Variants in BSDC1 observed in about 807,000 individuals in gnomAD.
The protein encoded by BSDC1 is BSD domain-containing protein 1.
BSDC1 carries 29 observed loss-of-function variants against 56.0 expected under a neutral mutation model. That is an observed-to-expected ratio of 0.52 (90% CI 0.39 to 0.71). The LOEUF is 0.71. BSDC1 is among the 30% of genes least tolerant of loss of function. The pLI is 0.00. For synonymous variants in BSDC1, 210 were observed against 215.3 expected (o/e 0.98, Z 0.21); for missense variants, 477 against 548.5 (o/e 0.87, Z 1.30).
chr1:32,390,789 T>C lies in BSDC1; in HGVS notation c.72+3291A>G, dbSNP rs1009906230. ...AGTTGGGCGTGATGGTACACGCCTA[T>C]AGTCCCAGCTACTTGGGGGCCTGAG... On this transcript the variant is annotated intron_variant, in intron 2 of 10. Coordinates refer to ENST00000455895, the MANE Select transcript of BSDC1 (RefSeq NM_018045.8). 2.0e-5 allele frequency among the ~76,000 whole-genome samples: 3 copies of C among 152,084 alleles called. No homozygotes were observed. In the South Asian group the frequency reaches 6.2e-4, roughly 32 times the overall value.
intron 9 of BSDC1, among the ~76,000 whole-genome samples, chr1:32,368,843 C>T (rs1017721696): frequency 2.0e-5 from 3 of 152,054 alleles, no homozygotes; most frequent in Non-Finnish European, 2.9e-5. Context: ...GGACTACAGG[C>T]GCACGCCCCA....
intron 2 of BSDC1, among the ~76,000 whole-genome samples, chr1:32,392,405 C>G (rs977151803): frequency 6.6e-6 from 1 of 152,162 alleles, no homozygotes; most frequent in East Asian, 1.9e-4. Flanking sequence ...AGGGAAATTA[C>G]GTCTTTTCTT....
At chr1:32,390,160 A>G (rs1013644495) in intron 2 of BSDC1, among the ~76,000 whole-genome samples, 2 of 152,166 alleles carry the variant, frequency 1.3e-5, no homozygotes, top group Admixed American at 6.6e-5. Context: ...GGGAGCCACC[A>G]AAGGTTTGAA....
At chr1:32,376,978 C>T (rs868556051) in intron 8 of BSDC1, among the ~76,000 whole-genome samples, 6 of 152,062 alleles carry the variant, frequency 3.9e-5, no homozygotes, top group African/African-American at 1.4e-4. Context: ...ACTAAAAATA[C>T]AAAAAATATT....
rs989025007 is a variant in BSDC1 at position 32,367,506 on chromosome 1, C to T, written c.1261-852G>A. 5 of 985,310 alleles carry T rather than the reference C, an allele frequency of 5.1e-6. No individual in the cohort carries two copies. In the African/African-American group the frequency reaches 5.2e-5, roughly 10 times the overall value. 61.0% of individuals were successfully genotyped at this position (985,310 alleles called of 1,614,324 possible). On this transcript the variant is annotated intron_variant, in intron 10 of 10. Transcript: ENST00000455895. ...CCCTTCACATGTCTCTCTAATCTGT[C>T]CACCTCTTTCTAACAGGCTCATAAG...
intron 3 of BSDC1, chr1:32,386,466 TTCTC>T (rs112034573): frequency 0.034 from 9,213 of 272,228 alleles, 807 homozygotes; most frequent in African/African-American, 0.19. Flanking sequence ...CTCTAGGTCT[TTCTC>T]TCTCTCTCTT....
rs1275673540 is a variant in BSDC1, at chr1:32,366,600, G to A, written c.*22C>T. The A allele has an allele frequency of 1.3e-6, 2 of 1,514,486 alleles. No individual in the cohort carries two copies. Among genetic ancestry groups the A allele is most frequent in the South Asian group, 1.3e-5 (1 of 79,816 alleles). 93.8% of individuals were successfully genotyped at this position (1,514,486 alleles called of 1,614,324 possible). On this transcript the variant is annotated 3_prime_UTR_variant, in exon 11 of 11. Coordinates refer to ENST00000455895, the MANE Select transcript of BSDC1 (RefSeq NM_018045.8). Reference sequence around the variant, plus strand: ...GGAGGCGAGAGATGCCATGGGTGGGGGAGCTGCTCCCTCTGGCTCCCTCAC... The same window carrying A: ...GGAGGCGAGAGATGCCATGGGTGGGAGAGCTGCTCCCTCTGGCTCCCTCAC...
rs7539731 is a variant in BSDC1 at position 32,366,084 on chromosome 1, G to T, written c.*538C>A. On this transcript the variant is annotated 3_prime_UTR_variant, in exon 11 of 11. Coordinates refer to ENST00000455895, the MANE Select transcript of BSDC1 (RefSeq NM_018045.8). Reference sequence around the variant, plus strand: ...ATGGAAAATGCCTGGGAGGGGGAGAGTCCCAAGAGAGGCAAATTTCCCAGA... The same window carrying T: ...ATGGAAAATGCCTGGGAGGGGGAGATTCCCAAGAGAGGCAAATTTCCCAGA... 0.045 allele frequency: 7,929 copies of T among 174,904 alleles called. 647 individuals are homozygous for T. The highest frequency in any genetic ancestry group is 0.18 in the African/African-American group (7,395 of 41,730). 10.8% of individuals were successfully genotyped at this position (174,904 alleles called of 1,614,324 possible). A position where few individuals can be genotyped will look rare whatever the true frequency, so the allele number is the denominator to read the frequency against.
intron 3 of BSDC1, 74 bp from the exon 4 acceptor site, chr1:32,384,071 T>C: frequency 6.2e-7 from 1 of 1,602,416 alleles, no homozygotes; most frequent in South Asian, 1.1e-5. Flanking sequence ...GGTAAAACAT[T>C]GGGGCAAAGG....
intron 10 of BSDC1, chr1:32,367,752 G>T: frequency 1.1e-6 from 1 of 944,120 alleles, no homozygotes; most frequent in Non-Finnish European, 1.3e-6. Context: ...AATGGGTTTT[G>T]TGGGGTTTAT....
At chr1:32,367,350 C>T in intron 10 of BSDC1, 3 of 985,466 alleles carry the variant, frequency 3.0e-6, no homozygotes, top group Non-Finnish European at 3.6e-6. Context: ...AGCCAGCAAG[C>T]CCCTGTGGCC....
Position 32,369,041 on chromosome 1 carries a change from G to A in BSDC1, c.1157-491C>T, listed in dbSNP as rs578189376. On this transcript the variant is annotated intron_variant, in intron 9 of 10. Transcript: ENST00000455895. ...ATTCTAAGGAAAAATCTTGGATTCA[G>A]TCAGAAATTTAGCAAAGAGTGTTCA... 4.6e-5 allele frequency among the ~76,000 whole-genome samples: 7 copies of A among 152,284 alleles called. No individual in the cohort carries two copies. The East Asian group carries it at 1.3e-3, about 29-fold the overall frequency.
intron 2 of BSDC1, among the ~76,000 whole-genome samples, chr1:32,389,075 C>G (rs1404361413): frequency 6.6e-6 from 1 of 151,970 alleles, no homozygotes; most frequent in East Asian, 1.9e-4. Context: ...CTGCCTCAGC[C>G]TCCCGAGTAG....
chr1:32,368,638 A>T, intron 9 of BSDC1, 88 bp from the exon 10 acceptor site: 1 of 1,561,154 alleles, frequency 6.4e-7, no homozygotes. Context: ...AGCATGCTTC[A>T]AAAGGGTCTC....
At chr1:32,383,690 G>C in intron 4 of BSDC1, 140 bp downstream of exon 4, 1 of 666,452 alleles carries the variant, frequency 1.5e-6, no homozygotes, top group Non-Finnish European at 2.6e-6. Flanking sequence ...TTGCTTACTG[G>C]TATTTTCTGA....
Position 32,394,406 on chromosome 1 carries a change from T to G in BSDC1, c.9A>C (p.Glu3Asp), listed in dbSNP as rs751041079. ...TAGGAGCAAAACGACAAGCTCACCC[T>G]TCCGCCATCTTGCCTGCATGACATC... Reference protein sequence around the residue: MAEGEDVGWWRSW... With the variant: MADGEDVGWWRSW... The change falls in exon 1 of 11, where the codon GAA becomes GAC. Residue 3 changes from glutamate (E) to aspartate (D), a missense_variant and splice_region_variant. Coordinates refer to ENST00000455895, the MANE Select transcript of BSDC1 (RefSeq NM_018045.8). 3.7e-6 allele frequency: 6 copies of G among 1,614,152 alleles called. No individual in the cohort carries two copies. Among genetic ancestry groups the G allele is most frequent in the Non-Finnish European group, 4.2e-6 (5 of 1,180,030 alleles).
chr1:32,379,749 T>C (rs1570135672), intron 5 of BSDC1, among the ~76,000 whole-genome samples: 1 of 152,212 alleles, frequency 6.6e-6, no homozygotes, highest in Non-Finnish European at 1.5e-5. Flanking sequence ...CCATCATGCC[T>C]GGCTAACTTG....
intron 4 of BSDC1, among the ~76,000 whole-genome samples, chr1:32,383,454 TAA>T (rs1254003357): frequency 1.6e-4 from 22 of 136,292 alleles, no homozygotes; most frequent in Non-Finnish European, 9.6e-5. Context: ...CCTGTCTCAT[TAA>T]AAAAAAAAAA....
intron 10 of BSDC1, chr1:32,366,996 T>C: frequency 1.9e-6 from 2 of 1,059,406 alleles, no homozygotes; most frequent in Non-Finnish European, 2.3e-6. Flanking sequence ...GATAATGCCA[T>C]GGCTCTGAGA....
Sources: allele counts gnomAD v4.1 joint callset (sites outside exome capture counted in the v4.1 genomes callset), GRCh38; gene constraint gnomAD v4.1.1; transcripts MANE v1.5; gene names NCBI Gene and HGNC (gene_info 2026-07-23, HGNC 2026-07-21).